The following HEMK2 variants were observed in gnomAD, a reference collection of about 807,000 sequenced individuals.
HEMK2 encodes the protein HemK methyltransferase 2, ETF1 glutamine and histone H4 lysine, also known as methyltransferase HEMK2.
chr21:28,838,942 C>T, the HEMK2 span, among the ~76,000 whole-genome samples: 255 of 41,188 alleles, frequency 6.2e-3, 2 homozygotes, highest in African/African-American at 0.015. Context: ...TCTGAAACTC[C>T]GCCTCAAAAA....
chr21:28,665,252 G>A, the HEMK2 span, among the ~76,000 whole-genome samples: 2 of 149,154 alleles, frequency 1.3e-5, no homozygotes, highest in Admixed American at 1.3e-4. Context: ...CAGCCTGGGT[G>A]ACAGAGAGAG....
chr21:28,788,207 TAC>T, the HEMK2 span, among the ~76,000 whole-genome samples: 662 of 128,908 alleles, frequency 5.1e-3, 4 homozygotes, highest in Non-Finnish European at 7.6e-3. Context: ...TACGTATATA[TAC>T]GTATATATGT....
the HEMK2 span, among the ~76,000 whole-genome samples, chr21:28,879,703 G>A: frequency 1.6e-4 from 24 of 152,116 alleles, no homozygotes; most frequent in African/African-American, 5.8e-4. Context: ...ATCATTTAAG[G>A]TTCCTTTCCT....
chr21:28,583,754 G>T, the HEMK2 span, among the ~76,000 whole-genome samples: 1 of 152,162 alleles, frequency 6.6e-6, no homozygotes, highest in African/African-American at 2.4e-5. Context: ...TTCTGTGAAT[G>T]ATTTCCCATT....
the HEMK2 span, among the ~76,000 whole-genome samples, chr21:28,812,828 A>G: frequency 5.3e-5 from 8 of 152,192 alleles, no homozygotes; most frequent in Non-Finnish European, 7.4e-5. Context: ...TTATTGGTCT[A>G]TTTAGGGATT....
At chr21:28,619,818 GC>G in the HEMK2 span, among the ~76,000 whole-genome samples, 1 of 152,146 alleles carries the variant, frequency 6.6e-6, no homozygotes, top group East Asian at 1.9e-4. Context: ...AGGATAGCAT[GC>G]AAATCAATAG....
At chr21:28,811,294 AAAGGG>A in the HEMK2 span, among the ~76,000 whole-genome samples, 11,150 of 146,566 alleles carry the variant, frequency 0.076, 1,069 homozygotes, top group African/African-American at 0.21. Context: ...AGAAAAGAAG[AAAGGG>A]AAGGGAAGGG....
At chr21:28,710,928 G>A in the HEMK2 span, among the ~76,000 whole-genome samples, 1 of 151,760 alleles carries the variant, frequency 6.6e-6, no homozygotes, top group Admixed American at 6.6e-5. Flanking sequence ...TTTAAACTAC[G>A]TGGTTTAATG....
the HEMK2 span, among the ~76,000 whole-genome samples, chr21:28,880,612 G>A: frequency 1.3e-5 from 2 of 151,930 alleles, no homozygotes; most frequent in African/African-American, 4.8e-5. Flanking sequence ...GCACAGTGGT[G>A]GGTGCCTGTA....
chr21:28,783,257 T>C, the HEMK2 span, among the ~76,000 whole-genome samples: 1 of 152,168 alleles, frequency 6.6e-6, no homozygotes, highest in Non-Finnish European at 1.5e-5. Flanking sequence ...AGATCCCAGA[T>C]CACTGCAACC....
chr21:28,588,758 C>T, the HEMK2 span, among the ~76,000 whole-genome samples: 3 of 151,858 alleles, frequency 2.0e-5, no homozygotes, highest in African/African-American at 4.8e-5. Flanking sequence ...ATCACGAGGT[C>T]GGATCACAAG....
the HEMK2 span, chr21:28,885,277 G>A: frequency 6.3e-7 from 1 of 1,592,348 alleles, no homozygotes; most frequent in Non-Finnish European, 8.6e-7. Context: ...CCGCGGGCTC[G>A]TACACGTCGC....
the HEMK2 span, among the ~76,000 whole-genome samples, chr21:28,621,193 T>C: frequency 6.6e-6 from 1 of 152,224 alleles, no homozygotes. Context: ...CTTTCTCCTG[T>C]GGGCATTTAG....
At chr21:28,788,260 A>C in the HEMK2 span, among the ~76,000 whole-genome samples, 1 of 147,084 alleles carries the variant, frequency 6.8e-6, no homozygotes, top group Non-Finnish European at 1.5e-5. Flanking sequence ...ATATGTATAC[A>C]TATATATTCC....
chr21:28,592,652 G>A, the HEMK2 span, among the ~76,000 whole-genome samples: 1 of 152,118 alleles, frequency 6.6e-6, no homozygotes, highest in Non-Finnish European at 1.5e-5. Flanking sequence ...CTCATTTCCT[G>A]GTCTTTCAAA....
the HEMK2 span, among the ~76,000 whole-genome samples, chr21:28,700,691 A>G: frequency 6.6e-6 from 1 of 152,194 alleles, no homozygotes; most frequent in Non-Finnish European, 1.5e-5. Context: ...GACCAGAAAG[A>G]TTCACAGCCA....
the HEMK2 span, among the ~76,000 whole-genome samples, chr21:28,766,057 G>C: frequency 6.6e-6 from 1 of 152,126 alleles, no homozygotes. Flanking sequence ...CACAAGGACA[G>C]AAAAACAAAC....
At chr21:28,638,426 A>G in the HEMK2 span, among the ~76,000 whole-genome samples, 1 of 152,174 alleles carries the variant, frequency 6.6e-6, no homozygotes, top group South Asian at 2.1e-4. Flanking sequence ...GTACAGATTA[A>G]TAAGAGCTAA....
the HEMK2 span, among the ~76,000 whole-genome samples, chr21:28,593,682 G>T: frequency 8.5e-5 from 13 of 152,150 alleles, no homozygotes; most frequent in African/African-American, 3.1e-4. Flanking sequence ...AAGCGAAAAA[G>T]CTCCCAATGG....
Sources: gnomAD v4.1 joint callset for allele counts (sites outside exome capture counted in the v4.1 genomes callset) on GRCh38, gnomAD v4.1.1 for gene constraint, MANE v1.5 for transcripts, NCBI Gene and HGNC (gene_info 2026-07-23, HGNC 2026-07-21) for gene names.